The following DLG2 variants were observed in gnomAD, a reference collection of about 807,000 sequenced individuals.
DLG2 encodes the protein discs large MAGUK scaffold protein 2, also known as disks large homolog 2.
In DLG2, 45 loss-of-function variants were observed where a neutral mutation model predicts 132.5. The ratio of observed to expected loss-of-function variants is 0.34; its 90% CI spans 0.27 to 0.44. The LOEUF is 0.44. DLG2 is among the 20% of genes least tolerant of loss of function. DLG2 has a pLI of 1.00. For synonymous variants in DLG2, 424 were observed against 419.6 expected, an observed-to-expected ratio of 1.01 and a Z score of -0.13; for missense variants, 1,045 against 1,196.9, an observed-to-expected ratio of 0.87 and a Z score of 1.87.
chr11:83,909,422 T>C (rs1383024149), intron 15 of DLG2, among the ~76,000 whole-genome samples: 1 of 152,152 alleles, frequency 6.6e-6, no homozygotes, highest in Non-Finnish European at 1.5e-5. Context: ...AAACTGAGTA[T>C]CATTCCATGC....
At chr11:84,135,740 C>T (rs532327427) in intron 9 of DLG2, among the ~76,000 whole-genome samples, 1 of 152,186 alleles carries the variant, frequency 6.6e-6, no homozygotes, top group South Asian at 2.1e-4. Context: ...AGAGGTCGAA[C>T]ATGTAAGGCT....
intron 6 of DLG2, among the ~76,000 whole-genome samples, chr11:84,601,536 G>A (rs1020200786): frequency 2.0e-5 from 3 of 151,988 alleles, no homozygotes; most frequent in African/African-American, 7.2e-5. Flanking sequence ...TTATGACAGT[G>A]AGAAACTGGA....
chr11:85,030,862 G>A (rs1021507432), intron 6 of DLG2, among the ~76,000 whole-genome samples: 25 of 151,142 alleles, frequency 1.7e-4, no homozygotes, highest in African/African-American at 3.6e-4. Flanking sequence ...TTTTATTTTC[G>A]ATTTTTATTT....
At position 85,290,854 on chromosome 11, in the gene DLG2, T is replaced by A. The variant is rs1238729730; in HGVS notation, c.41-5489A>T. ...TTCATAATAATGATTCTGACACAGT[T>A]AGGTCTTCAATTGTCAAACAGCATG... is the stretch of plus-strand genomic sequence containing the variant. On this transcript the variant is annotated intron_variant, in intron 3 of 27. Coordinates refer to ENST00000376104, the MANE Select transcript of DLG2 (RefSeq NM_001142699.3). Among the ~76,000 whole-genome samples, 7 of 152,180 alleles carry A rather than the reference T, an allele frequency of 4.6e-5. 1 individual carries two copies. The highest frequency in any genetic ancestry group is 1.7e-4 in the African/African-American group (7 of 41,564).
chr11:83,956,561 C>T (rs1282788282), intron 14 of DLG2, among the ~76,000 whole-genome samples: 1 of 152,172 alleles, frequency 6.6e-6, no homozygotes, highest in Non-Finnish European at 1.5e-5. Context: ...CTCACATGCC[C>T]CCTCCCACAA....
intron 8 of DLG2, among the ~76,000 whole-genome samples, chr11:84,208,954 T>C (rs891637014): frequency 2.6e-5 from 4 of 152,166 alleles, no homozygotes; most frequent in Admixed American, 2.0e-4. Context: ...GACATCAATA[T>C]GAACTCATGT....
At chr11:83,925,356 G>A (rs1388545274) in intron 15 of DLG2, among the ~76,000 whole-genome samples, 1 of 152,094 alleles carries the variant, frequency 6.6e-6, no homozygotes, top group African/African-American at 2.4e-5. Flanking sequence ...AGTGCTGCCT[G>A]ATTCATGAAT....
intron 6 of DLG2, among the ~76,000 whole-genome samples, chr11:84,559,524 A>G (rs574339922): frequency 6.6e-6 from 1 of 152,304 alleles, no homozygotes; most frequent in East Asian, 1.9e-4. Context: ...CAGCAAACAT[A>G]TTATTGATTT....
chr11:84,854,961 C>T (rs1345417427), intron 6 of DLG2, among the ~76,000 whole-genome samples: 1 of 152,010 alleles, frequency 6.6e-6, no homozygotes, highest in East Asian at 1.9e-4. Context: ...TTAAACCTCT[C>T]TAAGTATCTA....
rs77661908 is a variant in DLG2 at position 84,838,545 on chromosome 11, C to T, written c.357+273116G>A. 1.3e-3 allele frequency among the ~76,000 whole-genome samples: 193 copies of T among 151,974 alleles called. 2 individuals carry two copies. The East Asian group carries it at 0.034, about 27-fold the overall frequency. ...CTTGACAAAGAAATTTGGCAATATG[C>T]GTGAAGTTAAAGGTGCACATACCTA... On this transcript the variant is annotated intron_variant, in intron 6 of 27. Transcript: ENST00000376104.
At chr11:85,189,973 A>G (rs972535037) in intron 4 of DLG2, among the ~76,000 whole-genome samples, 2 of 152,170 alleles carry the variant, frequency 1.3e-5, no homozygotes, top group African/African-American at 4.8e-5. Flanking sequence ...TGTATCTTAT[A>G]ATGTATAAAT....
At chr11:84,298,930 C>T (rs1250120560) in intron 7 of DLG2, among the ~76,000 whole-genome samples, 1 of 152,154 alleles carries the variant, frequency 6.6e-6, no homozygotes, top group African/African-American at 2.4e-5. Context: ...TTGAAGACAA[C>T]CTTGAATGCT....
At chr11:83,706,036 G>A (rs534643134) in intron 18 of DLG2, among the ~76,000 whole-genome samples, 7 of 152,198 alleles carry the variant, frequency 4.6e-5, no homozygotes, top group African/African-American at 1.7e-4. Flanking sequence ...GGCCAACATG[G>A]TGAAACCCCG....
intron 7 of DLG2, among the ~76,000 whole-genome samples, chr11:84,372,879 G>C (rs2098711772): frequency 6.6e-6 from 1 of 152,108 alleles, no homozygotes; most frequent in African/African-American, 2.4e-5. Context: ...TAGCTTGGTA[G>C]CACTGAGACA....
At position 85,500,559 on chromosome 11, in the gene DLG2, A is replaced by AT. The variant is rs746980646; in HGVS notation, c.40+98097_40+98098insA. Among the ~76,000 whole-genome samples, 11 of 129,022 alleles carry AT rather than the reference A, an allele frequency of 8.5e-5. 2 individuals are homozygous for AT. Among genetic ancestry groups the AT allele is most frequent in the African/African-American group, 3.1e-4 (11 of 35,302 alleles). The allele number at this position is 129,022 out of a possible 152,430, so 84.6% of individuals were successfully genotyped here. On this transcript the variant is annotated intron_variant, in intron 3 of 27. Transcript: ENST00000376104. ...AGTATAATAAAAAAAATAAAAATAA[A>AT]ATAAATAAATAAATAAATAAAGTTA... is the stretch of plus-strand genomic sequence containing the variant.
At chr11:85,105,743 TG>T (rs1013126765) in intron 6 of DLG2, among the ~76,000 whole-genome samples, 101 of 151,972 alleles carry the variant, frequency 6.6e-4, no homozygotes, top group African/African-American at 2.2e-3. Context: ...AAATAAAAAT[TG>T]TATGTAGTCT....
chr11:83,601,252 A>G (rs2058487184), intron 19 of DLG2, among the ~76,000 whole-genome samples: 1 of 152,186 alleles, frequency 6.6e-6, no homozygotes, highest in Non-Finnish European at 1.5e-5. Context: ...AGGGTCCTCA[A>G]TGCCATGCCG....
intron 6 of DLG2, among the ~76,000 whole-genome samples, chr11:84,600,157 A>G (rs187761487): frequency 0.014 from 1,411 of 98,996 alleles, 14 homozygotes; most frequent in Middle Eastern, 0.023. Flanking sequence ...AGAAAGAAAG[A>G]AGGAAAGAAA....
intron 6 of DLG2, among the ~76,000 whole-genome samples, chr11:85,061,641 A>C (rs2064145470): frequency 6.6e-6 from 1 of 151,904 alleles, no homozygotes; most frequent in Non-Finnish European, 1.5e-5. Context: ...AAACACATAC[A>C]TAATTTTAAA....
Sources: gnomAD v4.1 joint callset for allele counts (sites outside exome capture counted in the v4.1 genomes callset) on GRCh38, gnomAD v4.1.1 for gene constraint, MANE v1.5 for transcripts, NCBI Gene and HGNC (gene_info 2026-07-23, HGNC 2026-07-21) for gene names.